The following TNKS variants were observed in gnomAD, a reference collection of about 807,000 sequenced individuals.
The protein encoded by TNKS is poly [ADP-ribose] polymerase tankyrase-1.
Under a neutral mutation model 135.8 loss-of-function variants are expected in TNKS, and 72 were observed. The ratio of observed to expected loss-of-function variants is 0.53; its 90% confidence interval spans 0.44 to 0.64. The LOEUF is 0.64. Ranked by LOEUF, TNKS falls within the 30% of genes least tolerant of loss-of-function variation. The pLI is 0.00. For synonymous variants in TNKS, 849 were observed against 649.3 expected (o/e 1.31, Z -4.68); for missense variants, 1,769 against 1,674.0 (o/e 1.06, Z -0.99).
chr8:9,618,080 G>A (rs1425829873), intron 3 of TNKS, among the ~76,000 whole-genome samples: 14 of 149,866 alleles, frequency 9.3e-5, no homozygotes, highest in Non-Finnish European at 1.8e-4. Flanking sequence ...TCCGTCTCCC[G>A]GGTTCAAGCG....
chr8:9,698,374 G>GAAAAAAAAAAAAAAAAAAA (rs34311181), intron 5 of TNKS, among the ~76,000 whole-genome samples: 2 of 98,768 alleles, frequency 2.0e-5, no homozygotes, highest in East Asian at 3.7e-4. Flanking sequence ...ATTTTAAAAT[G>GAAAAAAAAAAAAAAAAAAA]AAAAAAAAAA....
intron 3 of TNKS, 128 bp downstream of exon 3, chr8:9,615,805 T>C: frequency 1.5e-6 from 1 of 648,456 alleles, no homozygotes; most frequent in Non-Finnish European, 2.6e-6. Context: ...CATTATCTAC[T>C]ACTTTATTAT....
chr8:9,668,327 C>T lies in TNKS; in HGVS notation c.995-11624C>T, dbSNP rs1585304534. Among the ~76,000 whole-genome samples the T allele has an allele frequency of 2.0e-5, 3 of 152,216 alleles. No homozygotes were observed. The East Asian group carries it at 5.8e-4, about 29-fold the overall frequency. ...GACCACTTTAAGGAGCTAATAAAAG[C>T]ACCTTTAGATCCACTCCTTAGGGAG... On this transcript the variant is annotated intron_variant, in intron 3 of 26. Coordinates refer to ENST00000310430, the MANE Select transcript of TNKS (RefSeq NM_003747.3).
rs1016462460 is a variant in TNKS at position 9,694,590 on chromosome 8, C to T, written c.1108-10073C>T. The stretch of plus-strand genomic sequence containing the variant: ...CAGCCTGACCAACATGGTGAAACTC[C>T]GCCTCTACTAAAAATACAAAAATTA... On this transcript the variant is annotated intron_variant, in intron 5 of 26. Transcript: ENST00000310430. Among the ~76,000 whole-genome samples, 9 of 151,750 alleles carry T rather than the reference C, an allele frequency of 5.9e-5. No homozygotes were observed. In the South Asian group the frequency reaches 6.3e-4, roughly 11 times the overall value.
intron 1 of TNKS, among the ~76,000 whole-genome samples, chr8:9,575,826 T>C (rs1797925158): frequency 6.6e-6 from 1 of 152,208 alleles, no homozygotes; most frequent in South Asian, 2.1e-4. Flanking sequence ...ATTTTAAAAC[T>C]TCAACTGACT....
At chr8:9,756,652 C>G (rs937697889) in intron 20 of TNKS, among the ~76,000 whole-genome samples, 2 of 152,128 alleles carry the variant, frequency 1.3e-5, no homozygotes, top group Admixed American at 6.5e-5. Flanking sequence ...AACCTGCTTT[C>G]CATCCAGATA....
intron 1 of TNKS, chr8:9,557,246 C>G (rs1312637037): frequency 1.3e-5 from 2 of 152,228 alleles, no homozygotes. Flanking sequence ...TATTTGTTGT[C>G]TAGCAGACCA....
In TNKS at chr8:9,665,259, T is replaced by G. The variant is rs111653042; in HGVS notation, c.995-14692T>G. Among the ~76,000 whole-genome samples, 26 of 152,348 alleles carry G rather than the reference T, an allele frequency of 1.7e-4. 3 individuals are homozygous for G. Among genetic ancestry groups the G allele is most frequent in the African/African-American group, 6.3e-4 (26 of 41,578 alleles). ...TACTGGGGCTAGTCTGGAGTCAGTT[T>G]TTAGTCTTTCTTCACTTACATATTT... On this transcript the variant is annotated intron_variant, in intron 3 of 26. Transcript: ENST00000310430.
intron 3 of TNKS, among the ~76,000 whole-genome samples, chr8:9,679,070 A>T (rs1802662648): frequency 6.6e-6 from 1 of 152,270 alleles, no homozygotes; most frequent in East Asian, 1.9e-4. Context: ...TAAGAAATGT[A>T]TTATGGATGG....
At chr8:9,664,077 A>G (rs962217349) in intron 3 of TNKS, among the ~76,000 whole-genome samples, 3 of 152,152 alleles carry the variant, frequency 2.0e-5, no homozygotes, top group Non-Finnish European at 4.4e-5. Context: ...GTCTCATTAT[A>G]TCTTAGTCCA....
At chr8:9,716,703 CCTGT>C (rs1421845175) in intron 11 of TNKS, among the ~76,000 whole-genome samples, 1 of 151,870 alleles carries the variant, frequency 6.6e-6, no homozygotes, top group African/African-American at 2.4e-5. Context: ...TCCGTCGCTC[CCTGT>C]CTTTCTCTCT....
intron 22 of TNKS, among the ~76,000 whole-genome samples, chr8:9,763,836 A>G (rs1317425516): frequency 1.3e-5 from 2 of 152,156 alleles, no homozygotes; most frequent in Non-Finnish European, 2.9e-5. Flanking sequence ...GTTATAAGTA[A>G]GCTACCCAAT....
intron 2 of TNKS, 68 bp from the exon 3 acceptor site, chr8:9,615,514 A>G (rs931052875): frequency 7.6e-7 from 1 of 1,317,038 alleles, no homozygotes; most frequent in Non-Finnish European, 1.1e-6. Flanking sequence ...CCATGCCGAG[A>G]CGACACTTAC....
chr8:9,773,510 C>T (rs371904943), intron 26 of TNKS, among the ~76,000 whole-genome samples: 22 of 152,042 alleles, frequency 1.4e-4, no homozygotes, highest in Non-Finnish European at 2.5e-4. Flanking sequence ...TTCTCTTTAC[C>T]ATATGTTTTA....
chr8:9,605,229 A>G (rs1563110990), intron 2 of TNKS, among the ~76,000 whole-genome samples: 1 of 152,044 alleles, frequency 6.6e-6, no homozygotes, highest in Non-Finnish European at 1.5e-5. Context: ...TTCTGACATT[A>G]TAGATTAATT....
At chr8:9,650,671 T>C (rs1024969653) in intron 3 of TNKS, among the ~76,000 whole-genome samples, 1 of 152,206 alleles carries the variant, frequency 6.6e-6, no homozygotes, top group Non-Finnish European at 1.5e-5. Context: ...TGGTTTTTTT[T>C]CTTGCTTTGT....
chr8:9,747,866 T>C (rs536040152), intron 17 of TNKS, among the ~76,000 whole-genome samples, 158 bp from the exon 18 acceptor site: 1 of 152,296 alleles, frequency 6.6e-6, no homozygotes, highest in East Asian at 1.9e-4. Context: ...AAAGTGTAAG[T>C]AGAAGACTGA....
intron 5 of TNKS, among the ~76,000 whole-genome samples, chr8:9,692,838 G>A (rs527585706): frequency 6.6e-6 from 1 of 152,142 alleles, no homozygotes; most frequent in South Asian, 2.1e-4. Context: ...CTTCATTATG[G>A]TACTACTTAA....
At chr8:9,667,413 A>G (rs371186006) in intron 3 of TNKS, among the ~76,000 whole-genome samples, 58 of 152,318 alleles carry the variant, frequency 3.8e-4, no homozygotes, top group East Asian at 1.5e-3. Context: ...TCTTATCGGG[A>G]TGCTTGGCCC....
Sources: gnomAD v4.1 joint callset for allele counts (sites outside exome capture counted in the v4.1 genomes callset) on GRCh38, gnomAD v4.1.1 for gene constraint, MANE v1.5 for transcripts, NCBI Gene and HGNC (gene_info 2026-07-23, HGNC 2026-07-21) for gene names.